Variants in HPSE2 observed in about 807,000 individuals in gnomAD.
The protein encoded by HPSE2 is inactive heparanase-2.
In HPSE2, 38 loss-of-function variants were observed where a neutral mutation model predicts 60.5. The ratio of observed to expected loss-of-function variants is 0.63; its 90% confidence interval spans 0.48 to 0.82. The LOEUF is 0.82. Among genes scored for constraint, HPSE2 ranks in the 40% least tolerant of loss-of-function variants. The probability of loss-of-function intolerance (pLI) is 0.00; values close to 1 mark genes in which losing one functional copy is unlikely to be tolerated. For synonymous variants in HPSE2, 295 were observed against 293.2 expected (o/e 1.01, Z -0.06); for missense variants, 713 against 740.4 (o/e 0.96, Z 0.43).
At chr10:98,705,821 C>A (rs79032485) in intron 5 of HPSE2, among the ~76,000 whole-genome samples, 21 of 152,078 alleles carry the variant, frequency 1.4e-4, no homozygotes, top group Non-Finnish European at 2.9e-4. Context: ...GGCTTAAAAC[C>A]TAGATGACGG....
At chr10:98,591,287 G>C (rs1564994088) in intron 9 of HPSE2, among the ~76,000 whole-genome samples, 1 of 152,192 alleles carries the variant, frequency 6.6e-6, no homozygotes, top group Non-Finnish European at 1.5e-5. Flanking sequence ...AAATGGCAGA[G>C]CACTGTACAA....
intron 4 of HPSE2, among the ~76,000 whole-genome samples, chr10:98,739,330 G>A (rs181085334): frequency 3.3e-5 from 5 of 152,104 alleles, no homozygotes; most frequent in Admixed American, 3.3e-4. Flanking sequence ...CGTGGGGAGT[G>A]GGGTAGGGGA....
intron 3 of HPSE2, among the ~76,000 whole-genome samples, chr10:99,125,381 G>T (rs1845123057): frequency 6.6e-6 from 1 of 152,188 alleles, no homozygotes; most frequent in African/African-American, 2.4e-5. Context: ...AGAGGCCACT[G>T]CTCAGACTCT....
chr10:99,137,181 C>T (rs563948928), intron 3 of HPSE2, among the ~76,000 whole-genome samples: 3 of 152,154 alleles, frequency 2.0e-5, no homozygotes, highest in African/African-American at 4.8e-5. Flanking sequence ...GTCCAACTTA[C>T]AAGGGATGTG....
At chr10:99,184,786 TTATATATATATATATATATA>T (rs1191226144) in intron 2 of HPSE2, among the ~76,000 whole-genome samples, 1 of 25,284 alleles carries the variant, frequency 4.0e-5, no homozygotes, top group East Asian at 1.5e-3. Context: ...CTATCCAAAA[TTATATATATATATATATATA>T]TATATATATA....
intron 3 of HPSE2, among the ~76,000 whole-genome samples, chr10:99,121,239 A>G (rs1168966891): frequency 6.6e-6 from 1 of 152,138 alleles, no homozygotes; most frequent in Non-Finnish European, 1.5e-5. Flanking sequence ...GGAGCTAAAC[A>G]ATGAAAACAA....
intron 3 of HPSE2, among the ~76,000 whole-genome samples, chr10:98,958,314 A>G: frequency 6.6e-6 from 1 of 152,272 alleles, no homozygotes; most frequent in South Asian, 2.1e-4. Flanking sequence ...CTGGCAGGTT[A>G]AAGACCAAGT....
At chr10:98,797,022 G>A (rs533600148) in intron 3 of HPSE2, among the ~76,000 whole-genome samples, 22 of 152,284 alleles carry the variant, frequency 1.4e-4, no homozygotes, top group African/African-American at 4.6e-4. Context: ...AAGGACAGGC[G>A]CAAATAAGCC....
intron 3 of HPSE2, among the ~76,000 whole-genome samples, chr10:99,049,405 T>A (rs1347496657): frequency 6.6e-6 from 1 of 151,888 alleles, no homozygotes; most frequent in Non-Finnish European, 1.5e-5. Context: ...ATATAAAAAC[T>A]AAATATTGAA....
At chr10:98,989,561 G>T (rs1956469975) in intron 3 of HPSE2, among the ~76,000 whole-genome samples, 1 of 151,600 alleles carries the variant, frequency 6.6e-6, no homozygotes, top group South Asian at 2.1e-4. Flanking sequence ...ACGAGTTAAT[G>T]GGTGCAGCAC....
chr10:99,153,948 G>A (rs1166603141), intron 2 of HPSE2, among the ~76,000 whole-genome samples: 1 of 152,092 alleles, frequency 6.6e-6, no homozygotes, highest in Non-Finnish European at 1.5e-5. Flanking sequence ...AGAACTACGT[G>A]AAGAATGCAG....
At position 99,090,923 on chromosome 10, in the gene HPSE2, C is replaced by T. The variant is rs57987343; in HGVS notation, c.610+53315G>A. Among the ~76,000 whole-genome samples, 429 of 152,212 alleles carry T rather than the reference C, an allele frequency of 2.8e-3. 4 individuals are homozygous for T. The highest frequency in any genetic ancestry group is 9.7e-3 in the African/African-American group (404 of 41,556). ...TCTTATGCTTATTTACTTTTGAAAA[C>T]TACTGTTTTAGTTTATCAGTCCTCA... On this transcript the variant is annotated intron_variant, in intron 3 of 11. Coordinates refer to ENST00000370552, the MANE Select transcript of HPSE2 (RefSeq NM_021828.5).
At chr10:99,248,211 C>A in the HPSE2 span, among the ~76,000 whole-genome samples, 1 of 152,128 alleles carries the variant, frequency 6.6e-6, no homozygotes, top group African/African-American at 2.4e-5. Context: ...AAGTTTGAAA[C>A]CTCCTAGAGC....
chr10:98,858,343 C>A (rs894678562), intron 3 of HPSE2, among the ~76,000 whole-genome samples: 14 of 152,098 alleles, frequency 9.2e-5, no homozygotes, highest in African/African-American at 2.9e-4. Context: ...AAAAACAAAA[C>A]CCCTGTGAAG....
chr10:98,598,894 C>T (rs1433377598), intron 9 of HPSE2, among the ~76,000 whole-genome samples: 1 of 152,110 alleles, frequency 6.6e-6, no homozygotes, highest in African/African-American at 2.4e-5. Flanking sequence ...GGGGACTGGC[C>T]TGAAGCCTGG....
At chr10:98,642,379 A>G (rs1204218749) in intron 6 of HPSE2, among the ~76,000 whole-genome samples, 92 of 152,340 alleles carry the variant, frequency 6.0e-4, no homozygotes, top group Non-Finnish European at 4.4e-5. Context: ...ATATCTTTAA[A>G]TAAGAAAATA....
intron 2 of HPSE2, among the ~76,000 whole-genome samples, chr10:99,218,432 CAT>C (rs1849206454): frequency 6.6e-6 from 1 of 152,054 alleles, no homozygotes; most frequent in African/African-American, 2.4e-5. Flanking sequence ...ATACACACCA[CAT>C]GTGTCCTCGA....
At chr10:98,918,889 T>C (rs1482734983) in intron 3 of HPSE2, among the ~76,000 whole-genome samples, 1 of 152,068 alleles carries the variant, frequency 6.6e-6, no homozygotes, top group Admixed American at 6.6e-5. Context: ...TAGTACATAT[T>C]GTGGAGCAAT....
At chr10:98,649,519 T>C (rs906717227) in intron 6 of HPSE2, among the ~76,000 whole-genome samples, 4 of 152,198 alleles carry the variant, frequency 2.6e-5, no homozygotes, top group African/African-American at 9.7e-5. Context: ...GCTTATTTCA[T>C]TGGTCCTGTA....
Sources: gnomAD v4.1 joint callset for allele counts (sites outside exome capture counted in the v4.1 genomes callset) on GRCh38, gnomAD v4.1.1 for gene constraint, MANE v1.5 for transcripts, NCBI Gene and HGNC (gene_info 2026-07-23, HGNC 2026-07-21) for gene names.